INVS: variants seen among roughly 807,000 people sequenced by gnomAD.
INVS encodes the protein inversin.
INVS carries 86 observed loss-of-function variants against 108.8 expected under a neutral mutation model. The ratio of observed to expected loss-of-function variants is 0.79; its 90% CI spans 0.66 to 0.95. INVS has a LOEUF of 0.95. Among genes scored for constraint, INVS ranks in the 40% least tolerant of loss-of-function variants. The pLI is 0.00. For synonymous variants in INVS, 455 were observed against 473.5 expected, an observed-to-expected ratio of 0.96 and a Z score of 0.51; for missense variants, 1,169 against 1,297.4, an observed-to-expected ratio of 0.90 and a Z score of 1.52.
rs1226232536 is a variant in INVS, at chr9:100,100,975, A to G, written c.-25+1559A>G. The stretch of plus-strand genomic sequence containing the variant: ...ATATATTATATATATAATATATATT[A>G]TATATATAATATATATGTATATATA... On this transcript the variant is annotated intron_variant, in intron 1 of 16. Transcript: ENST00000262457. Among the ~76,000 whole-genome samples the G allele has an allele frequency of 2.8e-4, 21 of 75,180 alleles. 1 individual carries two copies. The highest frequency in any genetic ancestry group is 1.3e-3 in the African/African-American group (19 of 15,022). The allele number at this position is 75,180 out of a possible 152,430, so 49.3% of individuals were successfully genotyped here. A position where few individuals can be genotyped will look rare whatever the true frequency, so the allele number is the denominator to read the frequency against.
At chr9:100,122,282 A>G (rs1364314829) in intron 2 of INVS, among the ~76,000 whole-genome samples, 1 of 152,140 alleles carries the variant, frequency 6.6e-6, no homozygotes, top group Non-Finnish European at 1.5e-5. Flanking sequence ...GAAGTTACCA[A>G]TTATAATTGT....
chr9:100,142,773 C>T (rs1588034316), intron 3 of INVS, among the ~76,000 whole-genome samples: 1 of 152,102 alleles, frequency 6.6e-6, no homozygotes, highest in South Asian at 2.1e-4. Context: ...GCAGCGGCAG[C>T]CGCTGCATGC....
intron 1 of INVS, among the ~76,000 whole-genome samples, chr9:100,103,495 G>A (rs886487893): frequency 1.2e-4 from 19 of 152,088 alleles, no homozygotes; most frequent in African/African-American, 4.6e-4. Flanking sequence ...GGTCGTGATG[G>A]CAGGTGCCTA....
At chr9:100,267,591 G>A (rs954205964) in intron 11 of INVS, among the ~76,000 whole-genome samples, 1 of 152,184 alleles carries the variant, frequency 6.6e-6, no homozygotes, top group Admixed American at 6.5e-5. Flanking sequence ...ACAACGTATA[G>A]ACATAATTTT....
chr9:100,127,938 T>C (rs1827938387), intron 3 of INVS, among the ~76,000 whole-genome samples: 1 of 152,160 alleles, frequency 6.6e-6, no homozygotes, highest in Non-Finnish European at 1.5e-5. Context: ...AAGCAAATAG[T>C]TCAGATTGGG....
chr9:100,249,119 C>A (rs1382458802), intron 8 of INVS, among the ~76,000 whole-genome samples: 1 of 152,058 alleles, frequency 6.6e-6, no homozygotes, highest in Non-Finnish European at 1.5e-5. Flanking sequence ...AAGGGGGGAA[C>A]CCTTTTCCCC....
chr9:100,159,935 A>T (rs560728551), intron 3 of INVS, among the ~76,000 whole-genome samples: 1 of 152,150 alleles, frequency 6.6e-6, no homozygotes, highest in Non-Finnish European at 1.5e-5. Flanking sequence ...GCCCTGGACC[A>T]TCTCCCCAAA....
intron 3 of INVS, among the ~76,000 whole-genome samples, chr9:100,184,348 A>G (rs1469865088): frequency 6.6e-6 from 1 of 152,172 alleles, no homozygotes; most frequent in Admixed American, 6.6e-5. Flanking sequence ...AGAGAGAAGT[A>G]TATGTTGCAT....
At chr9:100,240,033 C>T (rs1383201891) in intron 5 of INVS, 27 bp from the exon 6 acceptor site, 1 of 1,592,250 alleles carries the variant, frequency 6.3e-7, no homozygotes, top group South Asian at 1.1e-5. Context: ...CCATGTATGT[C>T]TGAAGTCTCT....
At chr9:100,145,139 C>T (rs908410524) in intron 3 of INVS, among the ~76,000 whole-genome samples, 1 of 151,672 alleles carries the variant, frequency 6.6e-6, no homozygotes, top group African/African-American at 2.4e-5. Flanking sequence ...CTTGAGAACA[C>T]AGGCTAAGGG....
intron 3 of INVS, among the ~76,000 whole-genome samples, chr9:100,136,511 T>A (rs1828230069): frequency 6.6e-6 from 1 of 152,200 alleles, no homozygotes; most frequent in Non-Finnish European, 1.5e-5. Flanking sequence ...ACCTAATCAG[T>A]GTTCAAATTT....
chr9:100,273,296 TCTAGA>T (rs1833011100), intron 12 of INVS, among the ~76,000 whole-genome samples: 1 of 152,128 alleles, frequency 6.6e-6, no homozygotes, highest in African/African-American at 2.4e-5. Flanking sequence ...TAGTGATTCC[TCTAGA>T]CTAGTCCCAA....
chr9:100,176,134 T>C (rs1302872361), intron 3 of INVS: 2 of 436,140 alleles, frequency 4.6e-6, no homozygotes, highest in Middle Eastern at 8.8e-4. Context: ...GCCTCCCTCA[T>C]AGGATTTTAC....
chr9:100,246,481 GAT>G, intron 7 of INVS, 133 bp from the exon 8 acceptor site: 1 of 658,568 alleles, frequency 1.5e-6, no homozygotes, highest in Non-Finnish European at 2.6e-6. Flanking sequence ...TTAATAAAAA[GAT>G]AATTTAATTT....
chr9:100,126,488 G>C lies in INVS; in HGVS notation c.212G>C (p.Gly71Ala). ...TGTGCAGATGCTCTTCTGAAGGCAG[G>C]AGCAGATGTGAATAAAACTGACCAT... ...LDCADALLKA[G>A]ADVNKTDHSQ... Residue 71 changes from glycine (G) to alanine (A), a missense_variant, in exon 3 of 17, where the codon GGA becomes GCA. Gly to Ala is a moderately conservative substitution (Grantham distance 60). This residue lies in a region of INVS where 365 missense variants were observed against 397.5 expected (regional missense o/e 0.92). Coordinates refer to ENST00000262457, the MANE Select transcript of INVS (RefSeq NM_014425.5). The C allele has an allele frequency of 6.2e-7, 1 of 1,614,158 alleles. No individual in the cohort carries two copies. Among genetic ancestry groups the C allele is most frequent in the Non-Finnish European group, 8.5e-7 (1 of 1,180,018 alleles).
chr9:100,100,947 CATATATATTATATATATA>C lies in INVS; in HGVS notation c.-25+1558_-25+1575del, dbSNP rs1201063146. On this transcript the variant is annotated intron_variant, in intron 1 of 16. Transcript: ENST00000262457. The stretch of plus-strand genomic sequence containing the variant: ...ATATATAATATATATAATATATATA[CATATATATTATATATATA>C]ATATATATTATATATATAATATATA... 3.3e-3 allele frequency among the ~76,000 whole-genome samples: 52 copies of C among 15,758 alleles called. 3 individuals carry two copies. The highest frequency in any genetic ancestry group is 4.0e-3 in the Non-Finnish European group (40 of 9,908). The allele number at this position is 15,758 out of a possible 152,430, so 10.3% of individuals were successfully genotyped here.
At chr9:100,219,450 CA>C (rs1831079484) in intron 3 of INVS, among the ~76,000 whole-genome samples, 1 of 151,998 alleles carries the variant, frequency 6.6e-6, no homozygotes, top group Non-Finnish European at 1.5e-5. Flanking sequence ...TATTAAAAAA[CA>C]AAACAAAAAA....
chr9:100,232,877 T>G (rs1409901607), intron 5 of INVS, among the ~76,000 whole-genome samples: 4 of 152,174 alleles, frequency 2.6e-5, no homozygotes. Flanking sequence ...GTAGTTTTTT[T>G]CTAATTATGT....
chr9:100,247,274 C>T, intron 8 of INVS, among the ~76,000 whole-genome samples: 1 of 152,100 alleles, frequency 6.6e-6, no homozygotes, highest in Middle Eastern at 3.2e-3. Context: ...TAGAGAGAAC[C>T]TCCCATGGCT....
Sources: gnomAD v4.1 joint callset for allele counts (sites outside exome capture counted in the v4.1 genomes callset) on GRCh38, gnomAD v4.1.1 for gene constraint, gnomAD v4.1.1 regional missense constraint, MANE v1.5 for transcripts, NCBI Gene and HGNC (gene_info 2026-07-23, HGNC 2026-07-21) for gene names.